PHF8: variants seen among roughly 807,000 people sequenced by gnomAD.
PHF8 encodes PHD finger protein 8.
PHF8 carries 9 observed loss-of-function variants against 74.4 expected under a neutral mutation model. The ratio of observed to expected loss-of-function variants is 0.12; its 90% CI spans 0.07 to 0.21. PHF8 has a LOEUF of 0.21. Ranked by LOEUF, PHF8 falls within the 10% of genes least tolerant of loss-of-function variation. The pLI, the probability that PHF8 is intolerant of heterozygous loss-of-function variation, is 1.00. For missense variants in PHF8, 478 were observed against 816.6 expected (o/e 0.59, Z 5.05); for synonymous variants, 311 against 316.6 (o/e 0.98, Z 0.19).
intron 19 of PHF8, among the ~76,000 whole-genome samples, chrX:53,946,247 T>C (rs782747443): frequency 2.7e-5 from 3 of 112,395 alleles, no homozygotes; most frequent in African/African-American, 9.7e-5. Flanking sequence ...AAAAAACTTA[T>C]AATGATGAGA....
upstream of PHF8, among the ~76,000 whole-genome samples, chrX:54,047,858 A>G (rs2066640853): frequency 8.9e-6 from 1 of 111,901 alleles, no homozygotes; most frequent in South Asian, 3.7e-4. Flanking sequence ...TGAGACCTGA[A>G]TAACAAAAAG....
At chrX:54,036,400 A>T (rs781894251) in intron 2 of PHF8, among the ~76,000 whole-genome samples, 1 of 108,030 alleles carries the variant, frequency 9.3e-6, no homozygotes, top group Admixed American at 1.0e-4. Flanking sequence ...AAACTTCAAA[A>T]TTAAACAACA....
intron 19 of PHF8, among the ~76,000 whole-genome samples, chrX:53,954,499 CAAAAAAAAAAA>C (rs1180184175): frequency 7.6e-5 from 1 of 13,138 alleles, no homozygotes; most frequent in Non-Finnish European, 1.4e-4. Flanking sequence ...GACTCTGTCT[CAAAAAAAAAAA>C]AAAAAAAAAA....
intron 4 of PHF8, among the ~76,000 whole-genome samples, chrX:54,020,143 G>C (rs2066144549): frequency 8.9e-6 from 1 of 111,764 alleles, no homozygotes; most frequent in Non-Finnish European, 1.9e-5. Flanking sequence ...CCGAGATCAC[G>C]CCATTGCACT....
chrX:53,982,941 C>T (rs184980613), intron 18 of PHF8, among the ~76,000 whole-genome samples: 56 of 112,158 alleles, frequency 5.0e-4, no homozygotes, highest in Non-Finnish European at 8.8e-4. Context: ...CGCCTATAAT[C>T]CCAGCACTTT....
At chrX:53,989,747 TTTCAG>T (rs782814184) in intron 14 of PHF8, among the ~76,000 whole-genome samples, 3 of 112,252 alleles carry the variant, frequency 2.7e-5, no homozygotes, top group Non-Finnish European at 5.6e-5. Context: ...TTAAATTGAC[TTTCAG>T]TGAATTGTCT....
chrX:53,967,716 A>G (rs371592446), intron 18 of PHF8, among the ~76,000 whole-genome samples: 284 of 83,714 alleles, frequency 3.4e-3, no homozygotes, highest in African/African-American at 0.013. Flanking sequence ...GATGGTTGCC[A>G]TGTCTGTGTG....
At chrX:53,971,930 T>C (rs1557094664) in intron 18 of PHF8, among the ~76,000 whole-genome samples, 1 of 111,561 alleles carries the variant, frequency 9.0e-6, no homozygotes, top group African/African-American at 3.3e-5. Flanking sequence ...CCATTTCTAC[T>C]GAAACTATTC....
chrX:53,948,782 G>T (rs782389406), intron 19 of PHF8, among the ~76,000 whole-genome samples: 1 of 110,943 alleles, frequency 9.0e-6, no homozygotes, highest in African/African-American at 3.3e-5. Context: ...TCAGCACTTT[G>T]AGAGGCCGAG....
At chrX:53,970,008 G>GA (rs1159618101) in intron 18 of PHF8, among the ~76,000 whole-genome samples, 2 of 112,272 alleles carry the variant, frequency 1.8e-5, no homozygotes, top group Non-Finnish European at 3.8e-5. Context: ...TGTAAGACCT[G>GA]AAACTATGAA....
chrX:53,976,956 G>A (rs1557096280), intron 18 of PHF8, among the ~76,000 whole-genome samples: 2 of 111,679 alleles, frequency 1.8e-5, no homozygotes, highest in African/African-American at 6.5e-5. Context: ...CCCTTGGCTA[G>A]TCTTAAAAAA....
chrX:54,015,757 T>C (rs1035902268), intron 6 of PHF8, among the ~76,000 whole-genome samples: 20 of 110,681 alleles, frequency 1.8e-4, no homozygotes, highest in Non-Finnish European at 3.4e-4. Context: ...AGACAGTAAG[T>C]TTCCTAAGGG....
At chrX:53,992,692 C>T in intron 14 of PHF8, 44 bp downstream of exon 14, 1 of 786,044 alleles carries the variant, frequency 1.3e-6, no homozygotes, top group Non-Finnish European at 1.9e-6. Context: ...GGCATATTAC[C>T]ACTGACAGTC....
chrX:53,984,892 C>T (rs373663946), intron 18 of PHF8, 22 bp downstream of exon 18: 1 of 1,171,252 alleles, frequency 8.5e-7, no homozygotes, highest in Non-Finnish European at 1.2e-6. Flanking sequence ...TGGCCTGAAC[C>T]CATGTGCTTA....
chrX:53,989,375 C>G (rs1326343394), intron 14 of PHF8, among the ~76,000 whole-genome samples: 1 of 111,787 alleles, frequency 8.9e-6, no homozygotes, highest in African/African-American at 3.2e-5. Flanking sequence ...AGTGAAGAAA[C>G]TCATGATTGC....
intron 8 of PHF8, among the ~76,000 whole-genome samples, chrX:54,009,366 T>C (rs782110782): frequency 2.7e-5 from 3 of 110,757 alleles, no homozygotes; most frequent in Non-Finnish European, 5.7e-5. Flanking sequence ...AATATTTGTG[T>C]GACACACCTA....
At chrX:53,983,742 A>C (rs2065514578) in intron 18 of PHF8, among the ~76,000 whole-genome samples, 1 of 112,287 alleles carries the variant, frequency 8.9e-6, no homozygotes, top group African/African-American at 3.2e-5. Context: ...CTTAAATGTC[A>C]ATCAGTAGGG....
intron 10 of PHF8, among the ~76,000 whole-genome samples, 163 bp from the exon 11 acceptor site, chrX:54,000,124 G>T (rs782746735): frequency 2.7e-5 from 3 of 112,325 alleles, no homozygotes; most frequent in African/African-American, 9.7e-5. Flanking sequence ...CCTACTAAGT[G>T]CTAGGAATGT....
At chrX:54,041,598 C>T (rs1196671147) in intron 2 of PHF8, among the ~76,000 whole-genome samples, 1 of 110,911 alleles carries the variant, frequency 9.0e-6, no homozygotes, top group African/African-American at 3.3e-5. Context: ...TTTTATCGTA[C>T]ACACTAACCT....
Sources: gnomAD v4.1 joint callset for allele counts (sites outside exome capture counted in the v4.1 genomes callset) on GRCh38, gnomAD v4.1.1 for gene constraint, MANE v1.5 for transcripts, NCBI Gene and HGNC (gene_info 2026-07-23, HGNC 2026-07-21) for gene names.